NRG3: variants seen among roughly 807,000 people sequenced by gnomAD.
The protein encoded by NRG3 is neuregulin 3.
NRG3 carries 31 observed loss-of-function variants against 66.9 expected under a neutral mutation model. The observed-to-expected ratio is 0.46, with a 90% confidence interval of 0.35 to 0.63. The LOEUF (loss-of-function observed/expected upper bound fraction) is 0.63. Among genes scored for constraint, NRG3 ranks in the 20% least tolerant of loss-of-function variants. The pLI, the probability that NRG3 is intolerant of heterozygous loss-of-function variation, is 0.00. For synonymous variants in NRG3, 393 were observed against 359.4 expected (o/e 1.09, Z -1.06); for missense variants, 910 against 878.9 (o/e 1.04, Z -0.45).
chr10:82,597,467 T>C (rs2047353913), intron 2 of NRG3, among the ~76,000 whole-genome samples: 1 of 152,220 alleles, frequency 6.6e-6, no homozygotes, highest in South Asian at 2.1e-4. Context: ...TATTTCTGTC[T>C]TTATAAACCT....
chr10:82,287,710 GGCT>G (rs1164551245), intron 1 of NRG3, among the ~76,000 whole-genome samples: 1 of 152,136 alleles, frequency 6.6e-6, no homozygotes, highest in Non-Finnish European at 1.5e-5. Context: ...TCTGGGTTCA[GGCT>G]GGCACAGATT....
chr10:82,216,656 A>G (rs910458380), intron 1 of NRG3, among the ~76,000 whole-genome samples: 1 of 151,302 alleles, frequency 6.6e-6, no homozygotes, highest in Non-Finnish European at 1.5e-5. Flanking sequence ...ATTTTCTAAT[A>G]TGTATTCATG....
chr10:82,190,604 T>A (rs2074083360), intron 1 of NRG3, among the ~76,000 whole-genome samples: 1 of 152,176 alleles, frequency 6.6e-6, no homozygotes, highest in African/African-American at 2.4e-5. Context: ...AGATAGTGGT[T>A]TCACTGTTCA....
chr10:82,217,155 A>G (rs999017373), intron 1 of NRG3, among the ~76,000 whole-genome samples: 2 of 152,212 alleles, frequency 1.3e-5, no homozygotes, highest in Non-Finnish European at 2.9e-5. Context: ...CAAATATAAA[A>G]CTAAGAAACA....
chr10:82,359,128 G>A (rs1291388627), intron 2 of NRG3, among the ~76,000 whole-genome samples: 4 of 152,198 alleles, frequency 2.6e-5, no homozygotes, highest in Non-Finnish European at 5.9e-5. Flanking sequence ...GATCTGCAAA[G>A]TTAATGGAAA....
chr10:82,740,976 A>G (rs970646870), intron 3 of NRG3, among the ~76,000 whole-genome samples: 3 of 152,132 alleles, frequency 2.0e-5, no homozygotes, highest in African/African-American at 7.2e-5. Context: ...TGTTGTAAGG[A>G]CGTGGAATTT....
intron 1 of NRG3, among the ~76,000 whole-genome samples, chr10:81,956,768 C>T (rs1328714041): frequency 3.3e-5 from 5 of 152,174 alleles, no homozygotes; most frequent in Middle Eastern, 3.2e-3. Flanking sequence ...CCCTATTTTA[C>T]TTAAAACCTC....
chr10:82,257,270 G>A (rs2077781400), intron 1 of NRG3, among the ~76,000 whole-genome samples: 1 of 151,984 alleles, frequency 6.6e-6, no homozygotes, highest in Non-Finnish European at 1.5e-5. Flanking sequence ...AAAGGAGAAT[G>A]GGGAAAAAAA....
At chr10:82,539,615 C>T (rs1457494322) in intron 2 of NRG3, among the ~76,000 whole-genome samples, 1 of 151,728 alleles carries the variant, frequency 6.6e-6, no homozygotes, top group Non-Finnish European at 1.5e-5. Flanking sequence ...CCCATCTTGA[C>T]TGCCGTTTTT....
At chr10:82,216,299 A>G (rs1331532086) in intron 1 of NRG3, among the ~76,000 whole-genome samples, 2 of 151,318 alleles carry the variant, frequency 1.3e-5, no homozygotes, top group Non-Finnish European at 2.9e-5. Context: ...TATGTTTTCT[A>G]CACAAGACCA....
intron 1 of NRG3, among the ~76,000 whole-genome samples, chr10:81,963,151 T>G (rs867048961): frequency 0.012 from 1,588 of 135,332 alleles, 35 homozygotes; most frequent in African/African-American, 0.036. Flanking sequence ...TTTTTTTTTT[T>G]GAGACGGAGT....
chr10:82,865,487 A>C, intron 4 of NRG3, 50 bp downstream of exon 4: 2 of 1,557,756 alleles, frequency 1.3e-6, no homozygotes, highest in South Asian at 2.3e-5. Flanking sequence ...GCTAAGCTTT[A>C]TGATGTACAT....
chr10:82,683,117 C>A (rs1591155680), intron 2 of NRG3, among the ~76,000 whole-genome samples: 1 of 152,020 alleles, frequency 6.6e-6, no homozygotes, highest in South Asian at 2.1e-4. Context: ...CACCACCACG[C>A]CCGGCTAATT....
chr10:82,736,093 G>T (rs928346702), intron 2 of NRG3, among the ~76,000 whole-genome samples: 2 of 151,878 alleles, frequency 1.3e-5, no homozygotes, highest in African/African-American at 4.8e-5. Context: ...TTATTCTTGT[G>T]TCTTTCAAAA....
intron 1 of NRG3, among the ~76,000 whole-genome samples, chr10:81,966,242 T>C (rs1481666514): frequency 6.6e-6 from 1 of 150,804 alleles, no homozygotes; most frequent in Non-Finnish European, 1.5e-5. Flanking sequence ...TACCTTGTCA[T>C]AATATGTTCT....
chr10:82,615,006 T>C (rs1220126420), intron 2 of NRG3, among the ~76,000 whole-genome samples: 1 of 152,170 alleles, frequency 6.6e-6, no homozygotes, highest in Non-Finnish European at 1.5e-5. Flanking sequence ...GTGGTATCCA[T>C]TGTTTGAGTT....
intron 5 of NRG3, 129 bp from the exon 6 acceptor site, chr10:82,958,820 C>T: frequency 9.2e-7 from 1 of 1,082,680 alleles, no homozygotes; most frequent in South Asian, 2.0e-5. Flanking sequence ...GAGAAGGGTT[C>T]TCTTCGTTAG....
chr10:82,596,531 G>A (rs934734022), intron 2 of NRG3, among the ~76,000 whole-genome samples: 1 of 152,106 alleles, frequency 6.6e-6, no homozygotes, highest in Non-Finnish European at 1.5e-5. Flanking sequence ...GTCTTGGATG[G>A]AGAAAAAATT....
At chr10:82,421,607 C>T (rs2089078583) in intron 2 of NRG3, among the ~76,000 whole-genome samples, 1 of 152,106 alleles carries the variant, frequency 6.6e-6, no homozygotes, top group Admixed American at 6.6e-5. Context: ...CCAAATGCTT[C>T]TCTAGTGCTT....
Sources: gnomAD v4.1 joint callset for allele counts (sites outside exome capture counted in the v4.1 genomes callset) on GRCh38, gnomAD v4.1.1 for gene constraint, MANE v1.5 for transcripts, NCBI Gene and HGNC (gene_info 2026-07-23, HGNC 2026-07-21) for gene names.